MYO16: variants seen among roughly 807,000 people sequenced by gnomAD.
MYO16 encodes the protein myosin XVI.
In MYO16, 94 loss-of-function variants were observed where a neutral mutation model predicts 205.3. The ratio of observed to expected loss-of-function variants is 0.46; its 90% CI spans 0.39 to 0.54. The LOEUF (loss-of-function observed/expected upper bound fraction) is 0.54, where lower values mean the gene tolerates loss of function less well. MYO16 is among the 20% of genes least tolerant of loss of function. The probability of loss-of-function intolerance (pLI) is 0.00; values close to 1 mark genes in which losing one functional copy is unlikely to be tolerated. For synonymous variants in MYO16, 988 were observed against 954.0 expected (o/e 1.04, Z -0.66); for missense variants, 2,315 against 2,387.5 (o/e 0.97, Z 0.63).
rs555330203 is a variant in MYO16 at position 108,859,275 on chromosome 13, C to T, written c.1359+3722C>T. Among the ~76,000 whole-genome samples the T allele has an allele frequency of 2.6e-5, 4 of 152,188 alleles. No homozygotes were observed. In the South Asian group the frequency reaches 8.3e-4, roughly 32 times the overall value. Reference sequence around the variant, plus strand: ...TTGTTTTGTTCACTGCTATGTATGACCCATAATAGGTTCCCAATAAATATT... The same window carrying T: ...TTGTTTTGTTCACTGCTATGTATGATCCATAATAGGTTCCCAATAAATATT... On this transcript the variant is annotated intron_variant, in intron 11 of 34. Transcript: ENST00000457511.
intron 15 of MYO16, among the ~76,000 whole-genome samples, chr13:108,906,522 G>C (rs766168609): frequency 3.3e-5 from 5 of 152,058 alleles, no homozygotes; most frequent in Admixed American, 3.3e-4. Flanking sequence ...TCATCAATTA[G>C]TCTTAGAATT....
At chr13:108,905,979 T>C (rs866409284) in intron 15 of MYO16, among the ~76,000 whole-genome samples, 39 of 152,232 alleles carry the variant, frequency 2.6e-4, no homozygotes, top group Middle Eastern at 3.4e-3. Flanking sequence ...AGGCCTGGGG[T>C]TGAGTCCTGG....
rs1485644739 is a variant in MYO16 at position 108,961,615 on chromosome 13, G to A, written c.2114G>A (p.Gly705Glu). The A allele has an allele frequency of 6.2e-7, 1 of 1,614,090 alleles. No individual in the cohort carries two copies. The highest frequency in any genetic ancestry group is 1.7e-5 in the Admixed American group (1 of 60,020). ...GDIRFTALNE[G>E]NSAFVSDLQL... ...ATTCGGTTTACTGCCCTGAATGAGG[G>A]GAACTCCGCCTTCGTTTCTGACCTC... is the stretch of plus-strand genomic sequence containing the variant. The change falls in exon 18 of 35, where the codon GGG becomes GAG. Residue 705 changes from glycine to glutamate, a missense_variant. By Grantham distance (98) the Gly-to-Glu change is moderately conservative. This residue lies in a region of MYO16 where 1,213 missense variants were observed against 1,274.4 expected (regional missense o/e 0.95). Coordinates refer to ENST00000457511, the MANE Select transcript of MYO16 (RefSeq NM_001198950.3).
At chr13:108,500,206 GTTTTTTTTTT>G in the MYO16 span, among the ~76,000 whole-genome samples, 4 of 11,946 alleles carry the variant, frequency 3.3e-4, no homozygotes, top group East Asian at 2.2e-3. Context: ...GTTGATTCCT[GTTTTTTTTTT>G]TTTTGTTTTT....
At chr13:109,100,491 T>G (rs1165030708) in intron 27 of MYO16, among the ~76,000 whole-genome samples, 1 of 152,236 alleles carries the variant, frequency 6.6e-6, no homozygotes, top group Admixed American at 6.5e-5. Flanking sequence ...TAATTTTCAT[T>G]CCTTTCAAAT....
chr13:108,903,291 A>C (rs1880797184), intron 15 of MYO16, among the ~76,000 whole-genome samples: 1 of 152,152 alleles, frequency 6.6e-6, no homozygotes. Context: ...TTGCTGTGTT[A>C]ATTTCTTGCT....
chr13:108,797,528 A>G (rs1053368175), intron 6 of MYO16, among the ~76,000 whole-genome samples: 1 of 152,232 alleles, frequency 6.6e-6, no homozygotes, highest in Non-Finnish European at 1.5e-5. Context: ...TTGAGGAAGC[A>G]GGAGGAATGA....
At chr13:109,119,384 G>A (rs1875876398) in intron 28 of MYO16, among the ~76,000 whole-genome samples, 1 of 152,158 alleles carries the variant, frequency 6.6e-6, no homozygotes, top group Non-Finnish European at 1.5e-5. Context: ...TAAACTTATT[G>A]CAAGTAATAC....
At chr13:109,051,067 G>A (rs925045483) in intron 24 of MYO16, among the ~76,000 whole-genome samples, 2 of 152,068 alleles carry the variant, frequency 1.3e-5, no homozygotes, top group African/African-American at 2.4e-5. Context: ...GGACCTTTTG[G>A]AATCTGAACA....
chr13:108,500,492 T>TAA, the MYO16 span, among the ~76,000 whole-genome samples: 1 of 151,632 alleles, frequency 6.6e-6, no homozygotes, highest in Non-Finnish European at 1.5e-5. Flanking sequence ...CCTCCCAAAG[T>TAA]GCTGGGATTA....
intron 4 of MYO16, among the ~76,000 whole-genome samples, chr13:108,739,343 A>G (rs1227600964): frequency 6.6e-6 from 1 of 151,806 alleles, no homozygotes; most frequent in Non-Finnish European, 1.5e-5. Context: ...TGGTGACAAA[A>G]TCTCTCAGTG....
chr13:108,946,160 T>C (rs1882931586), intron 16 of MYO16, among the ~76,000 whole-genome samples: 1 of 152,194 alleles, frequency 6.6e-6, no homozygotes, highest in African/African-American at 2.4e-5. Context: ...CTCCCCATTT[T>C]GTCATACTTC....
chr13:108,901,018 G>C (rs548258459), intron 15 of MYO16, among the ~76,000 whole-genome samples: 2 of 152,070 alleles, frequency 1.3e-5, no homozygotes, highest in Non-Finnish European at 2.9e-5. Flanking sequence ...AATAAGCCCC[G>C]GTCTCCCACA....
intron 1 of MYO16, among the ~76,000 whole-genome samples, chr13:108,618,718 A>T (rs930373774): frequency 3.3e-5 from 5 of 152,238 alleles, no homozygotes; most frequent in Non-Finnish European, 7.3e-5. Flanking sequence ...GAGTGAATGT[A>T]GAATGAACCA....
intron 20 of MYO16, among the ~76,000 whole-genome samples, chr13:108,967,151 A>ATGTGTG (rs1225470424): frequency 5.0e-4 from 66 of 132,174 alleles, no homozygotes; most frequent in African/African-American, 1.9e-3. Context: ...TACTGACTAT[A>ATGTGTG]TATATGTGTG....
chr13:109,201,794 T>C (rs1368633064), intron 34 of MYO16, among the ~76,000 whole-genome samples: 2 of 152,138 alleles, frequency 1.3e-5, no homozygotes, highest in African/African-American at 4.8e-5. Context: ...TCTGTCATTC[T>C]TATGCCTTTG....
chr13:108,589,431 A>C, the MYO16 span, among the ~76,000 whole-genome samples: 1 of 152,188 alleles, frequency 6.6e-6, no homozygotes, highest in East Asian at 1.9e-4. Flanking sequence ...ATAAAATACC[A>C]GTATTTATTT....
At chr13:108,704,242 TC>T (rs1410171610) in intron 2 of MYO16, among the ~76,000 whole-genome samples, 1 of 152,106 alleles carries the variant, frequency 6.6e-6, no homozygotes, top group East Asian at 1.9e-4. Flanking sequence ...AAAAAATGAA[TC>T]ACAATAGATA....
chr13:109,165,931 T>C (rs929508735), intron 33 of MYO16, among the ~76,000 whole-genome samples: 1 of 142,930 alleles, frequency 7.0e-6, no homozygotes, highest in African/African-American at 2.5e-5. Flanking sequence ...CCAAGAACCA[T>C]GTTGAGTTGC....
Sources: allele counts gnomAD v4.1 joint callset (sites outside exome capture counted in the v4.1 genomes callset), GRCh38; gene constraint gnomAD v4.1.1; regional missense constraint gnomAD v4.1.1; transcripts MANE v1.5; gene names NCBI Gene and HGNC (gene_info 2026-07-23, HGNC 2026-07-21).